GNAO1: variants seen among roughly 807,000 people sequenced by gnomAD.
The protein encoded by GNAO1 is G protein subunit alpha o1.
For missense variants in GNAO1, 166 were observed against 478.7 expected (o/e 0.35, Z 6.10); for synonymous variants, 164 against 180.7 (o/e 0.91, Z 0.74).
chr16:56,227,466 T>C (rs550709921), intron 2 of GNAO1, among the ~76,000 whole-genome samples: 2 of 152,246 alleles, frequency 1.3e-5, no homozygotes, highest in South Asian at 4.1e-4. Context: ...ATTTGCACTC[T>C]CTGCTGCTCC....
chr16:56,276,246 A>G, intron 3 of GNAO1, 174 bp downstream of exon 3: 2 of 503,892 alleles, frequency 4.0e-6, no homozygotes, highest in Non-Finnish European at 6.8e-6. Flanking sequence ...CCCTCTGGCA[A>G]ACTCCCAGCA....
chr16:56,321,698 A>C (rs537270356), intron 3 of GNAO1, among the ~76,000 whole-genome samples: 6 of 152,232 alleles, frequency 3.9e-5, no homozygotes, highest in African/African-American at 1.4e-4. Context: ...AAAGCCACAA[A>C]GGCAGAGAGG....
chr16:56,229,609 GTGGATGGATGGATGGA>G (rs149366140), intron 2 of GNAO1, among the ~76,000 whole-genome samples: 4 of 151,048 alleles, frequency 2.6e-5, no homozygotes, highest in Non-Finnish European at 2.9e-5. Flanking sequence ...GGATGGGTGG[GTGGATGGATGGATGGA>G]TGGATGGATG....
chr16:56,282,754 T>G (rs1454390118), intron 3 of GNAO1, among the ~76,000 whole-genome samples: 1 of 152,220 alleles, frequency 6.6e-6, no homozygotes, highest in Non-Finnish European at 1.5e-5. Context: ...AGGTTATACA[T>G]TGGTTTGGCC....
chr16:56,296,353 C>T (rs1210432526), intron 3 of GNAO1, among the ~76,000 whole-genome samples: 2 of 152,088 alleles, frequency 1.3e-5, no homozygotes, highest in East Asian at 1.9e-4. Flanking sequence ...GTTGCCAGAG[C>T]GACGGGCTGG....
chr16:56,277,167 G>A (rs2037067654), intron 3 of GNAO1: 3 of 152,252 alleles, frequency 2.0e-5, no homozygotes, highest in Non-Finnish European at 4.4e-5. Context: ...CTGGGGAATT[G>A]GGTGACTGAG....
chr16:56,335,543 G>A (rs1050705869), intron 5 of GNAO1, among the ~76,000 whole-genome samples: 2 of 152,206 alleles, frequency 1.3e-5, no homozygotes, highest in East Asian at 3.9e-4. Flanking sequence ...TGGGAGAGCT[G>A]GATTCTAATA....
chr16:56,269,585 G>A (rs1596832736), intron 2 of GNAO1, among the ~76,000 whole-genome samples: 2 of 152,174 alleles, frequency 1.3e-5, no homozygotes, highest in South Asian at 2.1e-4. Flanking sequence ...ACAAGCACCC[G>A]GTCTCAGCTA....
chr16:56,258,360 T>G (rs1478466), intron 2 of GNAO1, among the ~76,000 whole-genome samples: 72,319 of 152,116 alleles, frequency 0.48, 17,374 homozygotes, highest in East Asian at 0.6. Context: ...ATTCCTATCA[T>G]GAGGACTTCA....
chr16:56,289,115 TAAG>T (rs1385255363), intron 3 of GNAO1, among the ~76,000 whole-genome samples: 4 of 152,026 alleles, frequency 2.6e-5, no homozygotes, highest in South Asian at 4.1e-4. Context: ...GACTTTCTCT[TAAG>T]GAGGGAGTTG....
At chr16:56,255,458 C>T (rs1042696851) in intron 2 of GNAO1, 9 of 152,118 alleles carry the variant, frequency 5.9e-5, no homozygotes, top group Admixed American at 5.2e-4. Context: ...ATTCTGCTCT[C>T]TTTTAGTTTG....
intron 2 of GNAO1, among the ~76,000 whole-genome samples, chr16:56,260,359 TCTC>T (rs1307481376): frequency 6.6e-6 from 1 of 152,168 alleles, no homozygotes; most frequent in African/African-American, 2.4e-5. Flanking sequence ...AGGGGCCTGT[TCTC>T]CTTAGCCTGC....
At chr16:56,279,522 G>A (rs146420111) in intron 3 of GNAO1, among the ~76,000 whole-genome samples, 5 of 152,222 alleles carry the variant, frequency 3.3e-5, no homozygotes, top group East Asian at 3.9e-4. Flanking sequence ...CTCTAGTGCC[G>A]TCCTCTTTTC....
intron 7 of GNAO1, chr16:56,352,513 CA>C (rs2037933371): frequency 6.6e-6 from 1 of 152,378 alleles, no homozygotes; most frequent in Non-Finnish European, 1.5e-5. Context: ...TGTCATCCGC[CA>C]GGTCAGGGCA....
chr16:56,278,441 A>T (rs2037083981), intron 3 of GNAO1, among the ~76,000 whole-genome samples: 1 of 152,186 alleles, frequency 6.6e-6, no homozygotes, highest in African/African-American at 2.4e-5. Context: ...GACAACTGGA[A>T]AAGGCGTTCC....
chr16:56,201,446 G>A (rs1366769890), intron 2 of GNAO1, among the ~76,000 whole-genome samples: 2 of 152,212 alleles, frequency 1.3e-5, no homozygotes, highest in Non-Finnish European at 2.9e-5. Flanking sequence ...ACCAGATCAT[G>A]AAAGGCCTTA....
intron 3 of GNAO1, among the ~76,000 whole-genome samples, chr16:56,305,546 T>C (rs2037385686): frequency 6.6e-6 from 1 of 152,028 alleles, no homozygotes; most frequent in South Asian, 2.1e-4. Flanking sequence ...CTGGTGTGTG[T>C]GCAAAGCCTA....
intron 6 of GNAO1, chr16:56,348,010 A>G: frequency 1.0e-6 from 1 of 980,928 alleles, no homozygotes. Context: ...CTCCTTAGAA[A>G]AGCCGTCTCT....
In GNAO1 at chr16:56,289,601, C is replaced by T. The variant is rs1216864446; in HGVS notation, c.303+13529C>T. On this transcript the variant is annotated intron_variant, in intron 3 of 8. Transcript: ENST00000262493. Reference sequence around the variant, plus strand: ...GTTTTAGTCTGATCAGTCCAAAAGGCTCCCGGTGTGGGGAGAGGAAGGATG... The same window carrying T: ...GTTTTAGTCTGATCAGTCCAAAAGGTTCCCGGTGTGGGGAGAGGAAGGATG... 2.6e-5 allele frequency among the ~76,000 whole-genome samples: 4 copies of T among 152,162 alleles called. No individual in the cohort carries two copies. In the South Asian group the frequency reaches 6.2e-4, roughly 24 times the overall value.
Sources: gnomAD v4.1 joint callset for allele counts (sites outside exome capture counted in the v4.1 genomes callset) on GRCh38, gnomAD v4.1.1 for gene constraint, MANE v1.5 for transcripts, NCBI Gene and HGNC (gene_info 2026-07-23, HGNC 2026-07-21) for gene names.